Variants in ATXN2 observed in about 807,000 individuals in gnomAD.
The protein encoded by ATXN2 is ataxin-2.
ATXN2 carries 37 observed loss-of-function variants against 138.6 expected under a neutral mutation model. The ratio of observed to expected loss-of-function variants is 0.27; its 90% confidence interval spans 0.21 to 0.35. ATXN2 has a LOEUF of 0.35. Ranked by LOEUF, ATXN2 falls within the 10% of genes least tolerant of loss-of-function variation. The probability of loss-of-function intolerance (pLI) is 1.00; values close to 1 mark genes in which losing one functional copy is unlikely to be tolerated. For missense variants in ATXN2, 1,216 were observed against 1,480.3 expected (o/e 0.82, Z 2.93); for synonymous variants, 549 against 543.7 (o/e 1.01, Z -0.13).
intron 3 of ATXN2, 103 bp downstream of exon 3, chr12:111,554,055 C>T (rs1882262731): frequency 1.3e-6 from 1 of 768,024 alleles, no homozygotes; most frequent in East Asian, 3.0e-5. Context: ...TAAACATGAT[C>T]TAAGCAATGT....
intron 14 of ATXN2, among the ~76,000 whole-genome samples, chr12:111,500,454 T>C (rs183501877): frequency 1.3e-5 from 2 of 151,898 alleles, no homozygotes; most frequent in Admixed American, 6.6e-5. Context: ...TTACCAGAAG[T>C]TGGGAAGGGT....
intron 21 of ATXN2, among the ~76,000 whole-genome samples, chr12:111,460,572 A>C (rs1290858062): frequency 6.6e-6 from 1 of 152,024 alleles, no homozygotes; most frequent in East Asian, 1.9e-4. Flanking sequence ...GGAATCTCAG[A>C]GGTTTTTGTT....
intron 23 of ATXN2, chr12:111,455,125 T>C: frequency 1.4e-6 from 1 of 702,968 alleles, no homozygotes; most frequent in Non-Finnish European, 2.6e-6. Context: ...GCGCACTATT[T>C]AACAGGAAAT....
At chr12:111,483,421 C>A (rs1256108314) in intron 18 of ATXN2, among the ~76,000 whole-genome samples, 7 of 126,842 alleles carry the variant, frequency 5.5e-5, no homozygotes, top group South Asian at 2.4e-4. Context: ...AAAAAAAAAA[C>A]CCTTTAGCAT....
At chr12:111,470,471 C>T in intron 19 of ATXN2, 87 bp downstream of exon 19, 1 of 1,489,744 alleles carries the variant, frequency 6.7e-7, no homozygotes, top group South Asian at 1.3e-5. Context: ...CACACAAAAG[C>T]AAAAATTATA....
intron 1 of ATXN2, among the ~76,000 whole-genome samples, chr12:111,588,327 T>C (rs1031775652): frequency 1.3e-5 from 2 of 152,122 alleles, no homozygotes; most frequent in African/African-American, 4.8e-5. Context: ...AATTTTCACA[T>C]GAATGCAAAC....
intron 14 of ATXN2, among the ~76,000 whole-genome samples, chr12:111,506,635 C>T (rs117864178): frequency 0.055 from 8,045 of 146,152 alleles, 364 homozygotes; most frequent in South Asian, 0.22. Context: ...TCCCTCTCCC[C>T]CCCTCCCCCT....
intron 14 of ATXN2, among the ~76,000 whole-genome samples, chr12:111,491,229 G>C (rs1056838651): frequency 1.3e-5 from 2 of 152,022 alleles, no homozygotes; most frequent in African/African-American, 2.4e-5. Flanking sequence ...CTCCAGCCTG[G>C]GCAATAAGAG....
chr12:111,478,403 C>T (rs1876977978), intron 18 of ATXN2, among the ~76,000 whole-genome samples: 1 of 151,686 alleles, frequency 6.6e-6, no homozygotes, highest in East Asian at 1.9e-4. Flanking sequence ...GAGATTCCAT[C>T]AAATAAATAA....
At chr12:111,456,356 G>T in intron 22 of ATXN2, 100 bp from the exon 23 acceptor site, 1 of 1,263,808 alleles carries the variant, frequency 7.9e-7, no homozygotes, top group Non-Finnish European at 1.1e-6. Context: ...GGCCTATGAT[G>T]AGGGTCACTG....
At chr12:111,535,613 C>T (rs554521113) in intron 5 of ATXN2, among the ~76,000 whole-genome samples, 1 of 151,894 alleles carries the variant, frequency 6.6e-6, no homozygotes, top group Admixed American at 6.6e-5. Flanking sequence ...CAGAGTGAGA[C>T]TCCAACTCAA....
chr12:111,588,112 G>A (rs773219040), intron 1 of ATXN2, among the ~76,000 whole-genome samples: 31 of 151,894 alleles, frequency 2.0e-4, no homozygotes, highest in Non-Finnish European at 3.8e-4. Context: ...GCTTGAACCC[G>A]GGAGACAGAG....
intron 18 of ATXN2, among the ~76,000 whole-genome samples, chr12:111,483,642 C>T (rs1190389341): frequency 1.3e-5 from 2 of 151,482 alleles, no homozygotes; most frequent in Non-Finnish European, 2.9e-5. Flanking sequence ...CAGATGTGAG[C>T]CACCACACCT....
intron 1 of ATXN2, among the ~76,000 whole-genome samples, chr12:111,586,314 C>A (rs561564379): frequency 1.3e-5 from 2 of 151,578 alleles, no homozygotes; most frequent in Admixed American, 6.6e-5. Context: ...CTTCACCTCC[C>A]GGGTTCAAGC....
chr12:111,462,930 C>T (rs1875689883), intron 21 of ATXN2, among the ~76,000 whole-genome samples: 2 of 151,502 alleles, frequency 1.3e-5, no homozygotes, highest in African/African-American at 4.9e-5. Flanking sequence ...TTTAACATTT[C>T]CTAGCACCAA....
chr12:111,546,713 C>A (rs1352539921), intron 5 of ATXN2, among the ~76,000 whole-genome samples: 1 of 152,078 alleles, frequency 6.6e-6, no homozygotes, highest in Admixed American at 6.6e-5. Flanking sequence ...AAAAAACAAG[C>A]AGAGATAACA....
intron 5 of ATXN2, among the ~76,000 whole-genome samples, chr12:111,538,409 G>C (rs888941693): frequency 1.3e-5 from 2 of 151,612 alleles, no homozygotes; most frequent in African/African-American, 2.4e-5. Flanking sequence ...TTGAAACCAG[G>C]GTCTCACTTG....
chr12:111,513,266 A>G, intron 11 of ATXN2, 91 bp downstream of exon 11: 1 of 1,425,218 alleles, frequency 7.0e-7, no homozygotes, highest in Non-Finnish European at 9.6e-7. Flanking sequence ...ATACATACTT[A>G]CACTTCCTCA....
chr12:111,524,501 A>T (rs979048211), intron 6 of ATXN2, among the ~76,000 whole-genome samples: 1 of 152,046 alleles, frequency 6.6e-6, no homozygotes, highest in Non-Finnish European at 1.5e-5. Flanking sequence ...TCCTTATGTC[A>T]TTCAGGCTGG....
Sources: allele counts gnomAD v4.1 joint callset (sites outside exome capture counted in the v4.1 genomes callset), GRCh38; gene constraint gnomAD v4.1.1; transcripts MANE v1.5; gene names NCBI Gene and HGNC (gene_info 2026-07-23, HGNC 2026-07-21).